The following KCNJ1 variants were observed in gnomAD, a reference collection of about 807,000 sequenced individuals.
KCNJ1 encodes ATP-sensitive inward rectifier potassium channel 1.
In KCNJ1, 24 loss-of-function variants were observed where a neutral mutation model predicts 21.9. That is an observed-to-expected ratio of 1.10 (90% CI 0.79 to 1.54). The LOEUF is 1.54. Among genes scored for constraint, KCNJ1 ranks in the 40% most tolerant of loss-of-function variants. The pLI, the probability that KCNJ1 is intolerant of heterozygous loss-of-function variation, is 0.00. For synonymous variants in KCNJ1, 152 were observed against 160.9 expected, an observed-to-expected ratio of 0.94 and a Z score of 0.42; for missense variants, 457 against 455.4, an observed-to-expected ratio of 1.00 and a Z score of -0.03.
At chr11:128,850,577 G>A (rs923499603) in intron 2 of KCNJ1, 144 bp downstream of exon 2, 2 of 181,924 alleles carry the variant, frequency 1.1e-5, no homozygotes, top group East Asian at 3.8e-4. Context: ...CTGGTGGTGG[G>A]ACTCAGTACT....
intron 1 of KCNJ1, among the ~76,000 whole-genome samples, chr11:128,854,096 T>C (rs55869892): frequency 0.29 from 41,409 of 143,744 alleles, 7,122 homozygotes; most frequent in African/African-American, 0.51. Context: ...GAACGGTGTT[T>C]GGTTACGATC....
rs771963968 is a variant in KCNJ1, at chr11:128,839,602, G to A, written c.642C>T (p.Thr214=). 6.2e-6 allele frequency: 10 copies of A among 1,613,874 alleles called. No individual in the cohort carries two copies. Among genetic ancestry groups the A allele is most frequent in the Middle Eastern group, 3.3e-4 (2 of 6,084 alleles). Residue 214 remains threonine (T), a synonymous_variant, in exon 3 of 3, where the codon ACC becomes ACT. Coordinates refer to ENST00000392666, the MANE Select transcript of KCNJ1 (RefSeq NM_153766.3). ...TGGTCTCTCCTTCAGGAGTGACTGT[G>A]GTCTTCAGAAGCTTTCCATAAATGT... ...GSHIYGKLLK[T]TVTPEGETII...
At chr11:128,847,861 T>C (rs540322685) in intron 2 of KCNJ1, among the ~76,000 whole-genome samples, 2 of 152,300 alleles carry the variant, frequency 1.3e-5, no homozygotes, top group South Asian at 2.1e-4. Flanking sequence ...TCTTTTCTTT[T>C]GTTTCTTATT....
At position 128,840,267 on chromosome 11, in the gene KCNJ1, G is replaced by A; in HGVS notation, c.-21-3C>T. 2.5e-6 allele frequency: 4 copies of A among 1,614,040 alleles called. No individual in the cohort carries two copies. The highest frequency in any genetic ancestry group is 3.4e-6 in the Non-Finnish European group (4 of 1,179,958). Reference sequence around the variant, plus strand: ...ATACTTTCTGTCAACACCCTGATCTGAAAACACATCAAAGAAAAACAAAAA... The same window carrying A: ...ATACTTTCTGTCAACACCCTGATCTAAAAACACATCAAAGAAAAACAAAAA... On this transcript the variant is annotated splice_polypyrimidine_tract_variant and splice_region_variant and intron_variant, in intron 2 of 2. Transcript: ENST00000392666.
At chr11:128,850,079 G>T (rs938447486) in intron 2 of KCNJ1, among the ~76,000 whole-genome samples, 4 of 148,836 alleles carry the variant, frequency 2.7e-5, no homozygotes, top group Non-Finnish European at 4.5e-5. Context: ...GGGCCCCCCC[G>T]CCTCCAACCA....
intron 2 of KCNJ1, chr11:128,842,683 C>T: frequency 3.3e-6 from 2 of 613,438 alleles, no homozygotes; most frequent in South Asian, 2.1e-5. Context: ...CATGACAAGC[C>T]ATCAGCTAAG....
At chr11:128,840,408 C>T (rs184738638) in intron 2 of KCNJ1, 144 bp from the exon 3 acceptor site, 1 of 778,360 alleles carries the variant, frequency 1.3e-6, no homozygotes, top group Admixed American at 2.3e-5. Flanking sequence ...CAAGTTTATT[C>T]TGGATACCAC....
intron 2 of KCNJ1, 50 bp downstream of exon 2, chr11:128,850,671 T>C (rs1591413186): frequency 2.2e-6 from 2 of 894,920 alleles, no homozygotes; most frequent in Non-Finnish European, 2.7e-6. Flanking sequence ...CCTAGCTTTC[T>C]TGTAGCCTGG....
chr11:128,844,010 C>A (rs1307955185), intron 2 of KCNJ1, among the ~76,000 whole-genome samples: 1 of 152,184 alleles, frequency 6.6e-6, no homozygotes, highest in Non-Finnish European at 1.5e-5. Flanking sequence ...AGAACTGTAA[C>A]CCTGAGGCCA....
intron 1 of KCNJ1, 61 bp from the exon 2 acceptor site, chr11:128,850,951 C>A (rs772685259): frequency 1.4e-4 from 124 of 887,480 alleles, no homozygotes; most frequent in Non-Finnish European, 1.6e-4. Context: ...CACACAGAAG[C>A]CAGGGTGAAA....
At chr11:128,850,967 G>T in intron 1 of KCNJ1, 77 bp from the exon 2 acceptor site, 2 of 781,856 alleles carry the variant, frequency 2.6e-6, no homozygotes, top group Non-Finnish European at 3.1e-6. Context: ...TGAAACTTCA[G>T]TTAGTTTGGA....
At chr11:128,851,572 G>T (rs1189971444) in intron 1 of KCNJ1, among the ~76,000 whole-genome samples, 1 of 152,164 alleles carries the variant, frequency 6.6e-6, no homozygotes, top group Non-Finnish European at 1.5e-5. Context: ...TTATTAAAAA[G>T]TTGTAGCTAT....
intron 2 of KCNJ1, among the ~76,000 whole-genome samples, chr11:128,849,654 C>G (rs1048747076): frequency 6.6e-6 from 1 of 152,168 alleles, no homozygotes; most frequent in African/African-American, 2.4e-5. Flanking sequence ...ATGATATCAA[C>G]AGAATTAAGA....
chr11:128,839,683 C>T lies in KCNJ1; in HGVS notation c.561G>A (p.Lys187=), dbSNP rs745655005. 6 of 1,613,188 alleles carry T rather than the reference C, an allele frequency of 3.7e-6. No homozygotes were observed. The South Asian group carries it at 5.5e-5, about 15-fold the overall frequency. Reference sequence around the variant, plus strand: ...TAGCCACTCGGATTAGGAGGCAAAGCTTCCCTCCCCGTTTGCTGATCACTG... The same window carrying T: ...TAGCCACTCGGATTAGGAGGCAAAGTTTCCCTCCCCGTTTGCTGATCACTG... ...KNAVISKRGG[K]LCLLIRVANL... is the part of the protein sequence containing the mutation. The change falls in exon 3 of 3, where the codon AAG becomes AAA. Residue 187 remains lysine (K), a synonymous_variant. Coordinates refer to ENST00000392666, the MANE Select transcript of KCNJ1 (RefSeq NM_153766.3).
chr11:128,846,615 G>T (rs751345622), intron 2 of KCNJ1, among the ~76,000 whole-genome samples: 9 of 152,138 alleles, frequency 5.9e-5, no homozygotes, highest in Non-Finnish European at 1.2e-4. Context: ...TTTTATAAAG[G>T]TTTTCTCTAT....
At chr11:128,849,433 A>C (rs1196934515) in intron 2 of KCNJ1, among the ~76,000 whole-genome samples, 1 of 152,234 alleles carries the variant, frequency 6.6e-6, no homozygotes, top group South Asian at 2.1e-4. Flanking sequence ...AAACCTTTTT[A>C]GATAGTGAGC....
intron 2 of KCNJ1, chr11:128,842,532 T>C (rs1591407404): frequency 6.4e-6 from 10 of 1,574,776 alleles, no homozygotes; most frequent in East Asian, 4.5e-5. Context: ...CGCTAATTTG[T>C]GTAAACTTGG....
intron 2 of KCNJ1, among the ~76,000 whole-genome samples, chr11:128,846,710 G>A (rs1380884343): frequency 6.6e-6 from 1 of 152,184 alleles, no homozygotes; most frequent in Non-Finnish European, 1.5e-5. Context: ...CAGAGCGACG[G>A]TACCGAGGCT....
chr11:128,853,925 C>G (rs1454992834), intron 1 of KCNJ1, among the ~76,000 whole-genome samples: 1 of 152,236 alleles, frequency 6.6e-6, no homozygotes, highest in African/African-American at 2.4e-5. Flanking sequence ...CTAAACAGAA[C>G]CTCTGCTAGT....
Sources: allele counts gnomAD v4.1 joint callset (sites outside exome capture counted in the v4.1 genomes callset), GRCh38; gene constraint gnomAD v4.1.1; transcripts MANE v1.5; gene names NCBI Gene and HGNC (gene_info 2026-07-23, HGNC 2026-07-21).